Variants in PIK3C2G observed in about 807,000 individuals in gnomAD.
PIK3C2G encodes phosphatidylinositol-4-phosphate 3-kinase catalytic subunit type 2 gamma, also known as phosphatidylinositol 3-kinase C2 domain-containing subunit gamma.
A neutral mutation model predicts 181.1 loss-of-function variants in PIK3C2G; 168 were observed. That is an observed-to-expected ratio of 0.93 (90% CI 0.82 to 1.05). The LOEUF is 1.05. Among genes scored for constraint, PIK3C2G ranks in the 50% least tolerant of loss-of-function variants. PIK3C2G has a pLI of 0.00. For missense variants in PIK3C2G, 1,869 were observed against 1,732.8 expected (o/e 1.08, Z -1.40); for synonymous variants, 573 against 592.2 (o/e 0.97, Z 0.47).
chr12:18,439,136 G>A (rs997052702), intron 18 of PIK3C2G, among the ~76,000 whole-genome samples: 5 of 151,922 alleles, frequency 3.3e-5, no homozygotes, highest in Non-Finnish European at 7.4e-5. Flanking sequence ...TTTGAAATGA[G>A]TAAAAGGAGT....
At chr12:18,558,698 G>A (rs1012604791) in intron 26 of PIK3C2G, among the ~76,000 whole-genome samples, 3 of 152,102 alleles carry the variant, frequency 2.0e-5, no homozygotes, top group African/African-American at 4.8e-5. Context: ...TACTTTCATG[G>A]CAAGTTAAGG....
intron 24 of PIK3C2G, among the ~76,000 whole-genome samples, chr12:18,507,852 G>A (rs1322378421): frequency 6.6e-6 from 1 of 152,166 alleles, no homozygotes; most frequent in Admixed American, 6.5e-5. Context: ...AAACAGTATG[G>A]TAAGTTCATA....
In PIK3C2G at chr12:18,503,193, T is replaced by C. The variant is rs560610285; in HGVS notation, c.3017-88T>C. On this transcript the variant is annotated intron_variant, in intron 22 of 32. Coordinates refer to ENST00000538779, the MANE Select transcript of PIK3C2G (RefSeq NM_001288772.2). ...GAAAAGGAAAGGGGTAATCCAGTAG[T>C]GCTGGAAGCTATTGTTGTTATATTT... 5 of 919,356 alleles carry C rather than the reference T, an allele frequency of 5.4e-6. No individual in the cohort carries two copies. The African/African-American group carries it at 6.8e-5, about 13-fold the overall frequency. 56.9% of individuals were successfully genotyped at this position (919,356 alleles called of 1,614,324 possible).
At chr12:18,344,934 C>G (rs1939520307) in intron 10 of PIK3C2G, among the ~76,000 whole-genome samples, 1 of 152,082 alleles carries the variant, frequency 6.6e-6, no homozygotes, top group Non-Finnish European at 1.5e-5. Flanking sequence ...TATGCAAACT[C>G]AAAGTAGCAA....
chr12:18,667,581 C>T, the PIK3C2G span, among the ~76,000 whole-genome samples: 3 of 152,000 alleles, frequency 2.0e-5, no homozygotes, highest in Admixed American at 2.0e-4. Context: ...ATCCTTTCTT[C>T]ATGATCCTTC....
At chr12:18,608,531 G>A (rs1948171264) in intron 30 of PIK3C2G, among the ~76,000 whole-genome samples, 1 of 143,404 alleles carries the variant, frequency 7.0e-6, no homozygotes, top group East Asian at 2.1e-4. Flanking sequence ...CACAGGAAGG[G>A]GAGCATCACA....
the PIK3C2G span, among the ~76,000 whole-genome samples, chr12:18,671,144 A>T: frequency 2.6e-5 from 4 of 151,102 alleles, no homozygotes; most frequent in African/African-American, 9.7e-5. Context: ...AGCCGAAATC[A>T]GGCCATTGCC....
chr12:18,313,851 G>T, intron 5 of PIK3C2G, 111 bp from the exon 6 acceptor site: 3 of 646,452 alleles, frequency 4.6e-6, no homozygotes, highest in Non-Finnish European at 8.3e-6. Context: ...CACACACTCA[G>T]TTTTTACCAA....
the PIK3C2G span, among the ~76,000 whole-genome samples, chr12:18,677,938 T>C: frequency 6.6e-6 from 1 of 151,976 alleles, no homozygotes; most frequent in Non-Finnish European, 1.5e-5. Flanking sequence ...TGTGGTGTGT[T>C]TGTGTGTGTG....
At chr12:18,334,133 A>G (rs1210347760) in intron 8 of PIK3C2G, among the ~76,000 whole-genome samples, 1 of 152,184 alleles carries the variant, frequency 6.6e-6, no homozygotes. Context: ...GTTTTCATTA[A>G]TCCAAAGAAA....
chr12:18,433,604 A>G (rs889891631), intron 18 of PIK3C2G, among the ~76,000 whole-genome samples: 1 of 152,244 alleles, frequency 6.6e-6, no homozygotes, highest in Non-Finnish European at 1.5e-5. Flanking sequence ...TATGATAACA[A>G]TAACTGAGTA....
intron 2 of PIK3C2G, among the ~76,000 whole-genome samples, chr12:18,283,996 A>G (rs1286067975): frequency 1.3e-5 from 2 of 152,068 alleles, no homozygotes; most frequent in African/African-American, 4.8e-5. Flanking sequence ...CTGCGAAGAC[A>G]GTGCCTGCAG....
At chr12:18,570,251 C>T (rs1945856061) in intron 29 of PIK3C2G, among the ~76,000 whole-genome samples, 1 of 151,782 alleles carries the variant, frequency 6.6e-6, no homozygotes, top group African/African-American at 2.4e-5. Context: ...GCTCGTCACC[C>T]ACGCTGGAGT....
chr12:18,679,254 T>G, the PIK3C2G span, among the ~76,000 whole-genome samples: 1 of 152,046 alleles, frequency 6.6e-6, no homozygotes, highest in Non-Finnish European at 1.5e-5. Context: ...CCTTATCATT[T>G]TCATTATGAT....
rs142542400 is a variant in PIK3C2G at position 18,374,628 on chromosome 12, A to T, written c.1880+3317A>T. Among the ~76,000 whole-genome samples the T allele has an allele frequency of 8.2e-3, 1,248 of 152,232 alleles. 7 individuals carry two copies. The highest frequency in any genetic ancestry group is 0.011 in the Non-Finnish European group (758 of 68,018). On this transcript the variant is annotated intron_variant, in intron 13 of 32. Coordinates refer to ENST00000538779, the MANE Select transcript of PIK3C2G (RefSeq NM_001288772.2). The stretch of plus-strand genomic sequence containing the variant: ...AGGTGCCATGCCTTACTCCATGCAC[A>T]CTCTGTAAACACTTCACTACCCTAC...
At chr12:18,578,748 G>A (rs1592631657) in intron 29 of PIK3C2G, among the ~76,000 whole-genome samples, 1 of 151,920 alleles carries the variant, frequency 6.6e-6, no homozygotes, top group African/African-American at 2.4e-5. Flanking sequence ...AATTTATGTA[G>A]TCTATATGCC....
rs75333226 is a variant in PIK3C2G at position 18,390,080 on chromosome 12, C to A, written c.1996-1042C>A. Among the ~76,000 whole-genome samples the A allele has an allele frequency of 7.2e-4, 110 of 152,190 alleles. 3 individuals carry two copies. The East Asian group carries it at 0.019, about 27-fold the overall frequency. ...TGTAATGTTTCAGTTAAGCTGATCTCGTACTTGTTTATTTTATCATGTTGG... is the reference window on the plus strand; with the variant it reads ...TGTAATGTTTCAGTTAAGCTGATCTAGTACTTGTTTATTTTATCATGTTGG... On this transcript the variant is annotated intron_variant, in intron 14 of 32. Coordinates refer to ENST00000538779, the MANE Select transcript of PIK3C2G (RefSeq NM_001288772.2).
chr12:18,669,379 A>G, the PIK3C2G span, among the ~76,000 whole-genome samples: 1 of 152,214 alleles, frequency 6.6e-6, no homozygotes, highest in Non-Finnish European at 1.5e-5. Context: ...CCTTTATAAT[A>G]AATTGGTGTG....
intron 18 of PIK3C2G, among the ~76,000 whole-genome samples, chr12:18,470,975 T>C (rs1460883321): frequency 6.6e-6 from 1 of 152,210 alleles, no homozygotes; most frequent in African/African-American, 2.4e-5. Context: ...TAATTTTATA[T>C]ATCCAAAGAC....
Sources: allele counts gnomAD v4.1 joint callset (sites outside exome capture counted in the v4.1 genomes callset), GRCh38; gene constraint gnomAD v4.1.1; transcripts MANE v1.5; gene names NCBI Gene and HGNC (gene_info 2026-07-23, HGNC 2026-07-21).